CDC14C: variants seen among roughly 807,000 people sequenced by gnomAD.
CDC14C encodes cell division cycle 14C.
CDC14C carries 19 observed loss-of-function variants against 26.9 expected under a neutral mutation model. That is an observed-to-expected ratio of 0.71 (90% CI 0.49 to 1.04). CDC14C has a LOEUF of 1.04. CDC14C is among the 50% of genes least tolerant of loss of function. The probability of loss-of-function intolerance (pLI) is 0.00; values close to 1 mark genes in which losing one functional copy is unlikely to be tolerated. For missense variants in CDC14C, 423 were observed against 520.0 expected (o/e 0.81, Z 1.81); for synonymous variants, 185 against 180.1 (o/e 1.03, Z -0.22).
Position 48,924,627 on chromosome 7 carries a change from C to G in CDC14C, c.-46C>G. 1 of 1,009,650 alleles carries G rather than the reference C, an allele frequency of 9.9e-7. No homozygotes were observed. Among genetic ancestry groups the G allele is most frequent in the South Asian group, 1.3e-5 (1 of 75,870 alleles). 62.5% of individuals were successfully genotyped at this position (1,009,650 alleles called of 1,614,324 possible). A position where few individuals can be genotyped will look rare whatever the true frequency, so the allele number is the denominator to read the frequency against. On this transcript the variant is annotated 5_prime_UTR_variant, in exon 1 of 1. Coordinates refer to ENST00000650262, the MANE Select transcript of CDC14C (RefSeq NM_152627.3). Reference sequence around the variant, plus strand: ...GGCGGTCGAGCTGGGCCGCCGCGCCCCACTGCTCGCCGCGCTGCTCTTTGA... The same window carrying G: ...GGCGGTCGAGCTGGGCCGCCGCGCCGCACTGCTCGCCGCGCTGCTCTTTGA...
In CDC14C at chr7:48,925,236, G is replaced by T; in HGVS notation, c.564G>T (p.Trp188Cys). 2 of 1,607,424 alleles carry T rather than the reference G, an allele frequency of 1.2e-6. No individual in the cohort carries two copies. Among genetic ancestry groups the T allele is most frequent in the African/African-American group, 2.7e-5 (2 of 74,902 alleles). The change falls in exon 1 of 1, where the codon TGG becomes TGT. Residue 188 changes from tryptophan to cysteine, a missense_variant. By Grantham distance (215) the Trp-to-Cys change is radical (BLOSUM62 -2). This residue lies in a region of CDC14C where 310 missense variants were observed against 356.8 expected (regional missense o/e 0.87). Coordinates refer to ENST00000650262, the MANE Select transcript of CDC14C (RefSeq NM_152627.3). ...YEKAENGDLN[W>C]IIPDRFIAFC... ...AAGCAGAAAACGGAGATTTAAATTG[G>T]ATAATACCAGACCGATTTATTGCCT...
rs192870257 is a variant in CDC14C at position 48,926,102 on chromosome 7, A to C, written c.*86A>C. Reference sequence around the variant, plus strand: ...ATTTCAAGGACTAAAATGGTTTTGCATTAAGTAAAAACCTGTGACCAGAAC... The same window carrying C: ...ATTTCAAGGACTAAAATGGTTTTGCCTTAAGTAAAAACCTGTGACCAGAAC... On this transcript the variant is annotated 3_prime_UTR_variant, in exon 1 of 1. Transcript: ENST00000650262. 33 of 711,154 alleles carry C rather than the reference A, an allele frequency of 4.6e-5. No individual in the cohort carries two copies. In the East Asian group the frequency reaches 5.9e-4, roughly 13 times the overall value. 44.1% of individuals were successfully genotyped at this position (711,154 alleles called of 1,614,324 possible).
rs1315316503 is a variant in CDC14C, at chr7:48,926,047, G to T, written c.*31G>T. On this transcript the variant is annotated 3_prime_UTR_variant, in exon 1 of 1. Transcript: ENST00000650262. The stretch of plus-strand genomic sequence containing the variant: ...AGATTTCAGAACATAGTAGCCATCA[G>T]GACCCCCTGACAGATAGCTGCTTCT... 9.5e-6 allele frequency: 7 copies of T among 736,246 alleles called. 1 individual carries two copies. The highest frequency in any genetic ancestry group is 1.8e-5 in the Non-Finnish European group (7 of 394,144). The allele number at this position is 736,246 out of a possible 1,614,324, so 45.6% of individuals were successfully genotyped here.
rs1333446313 is a variant in CDC14C, at chr7:48,925,347, C to G, written c.675C>G (p.His225Gln). ...PETYIQYFKN[H>Q]NVTTIIRLNK... ...CTTATATTCAATATTTTAAGAATCA[C>G]AATGTTACTACCATTATTCGTCTGA... The change falls in exon 1 of 1, where the codon CAC becomes CAG. Residue 225 changes from histidine to glutamine, a missense_variant. His to Gln is a conservative substitution (Grantham distance 24). This residue lies in a region of CDC14C where 310 missense variants were observed against 356.8 expected (regional missense o/e 0.87). Transcript: ENST00000650262. 1 of 1,609,318 alleles carries G rather than the reference C, an allele frequency of 6.2e-7. No individual in the cohort carries two copies. Among genetic ancestry groups the G allele is most frequent in the African/African-American group, 1.3e-5 (1 of 74,834 alleles).
Position 48,924,834 on chromosome 7 carries a change from C to T in CDC14C, c.162C>T (p.Asn54=), listed in dbSNP as rs766961922. The T allele has an allele frequency of 3.0e-6, 4 of 1,350,610 alleles. No homozygotes were observed. Among genetic ancestry groups the T allele is most frequent in the Non-Finnish European group, 4.3e-6 (4 of 939,580 alleles). 83.7% of individuals were successfully genotyped at this position (1,350,610 alleles called of 1,614,324 possible). A position where few individuals can be genotyped will look rare whatever the true frequency, so the allele number is the denominator to read the frequency against. Residue 54 remains asparagine, a synonymous_variant, in exon 1 of 1, where the codon AAC becomes AAT. Coordinates refer to ENST00000650262, the MANE Select transcript of CDC14C (RefSeq NM_152627.3). ...TAGATAATGAACTCGAATATGAGAACTTCTCCGAAGACTTTGGACCACTCA... is the reference window on the plus strand; with the variant it reads ...TAGATAATGAACTCGAATATGAGAATTTCTCCGAAGACTTTGGACCACTCA... ...FSIDNELEYE[N]FSEDFGPLNL...
rs1184550190 is a variant in CDC14C, at chr7:48,926,769, G to C, written c.*753G>C. ...AGAGATTTTATTTATGGCCAGTTTT[G>C]GGGCCAGTTTATGGCTGGATTTTGG... On this transcript the variant is annotated 3_prime_UTR_variant, in exon 1 of 1. Coordinates refer to ENST00000650262, the MANE Select transcript of CDC14C (RefSeq NM_152627.3). 2.0e-5 allele frequency among the ~76,000 whole-genome samples: 3 copies of C among 149,306 alleles called. No individual in the cohort carries two copies. The highest frequency in any genetic ancestry group is 6.6e-5 in the Admixed American group (1 of 15,106).
Position 48,926,271 on chromosome 7 carries a change from T to C in CDC14C, c.*255T>C, listed in dbSNP as rs1340231048. On this transcript the variant is annotated 3_prime_UTR_variant, in exon 1 of 1. Transcript: ENST00000650262. ...TCCACGGGGTTTCAGTAATGAACTT[T>C]TGAGTTTGGGTGCAAGCAAATGTAC... Among the ~76,000 whole-genome samples the C allele has an allele frequency of 7.6e-6, 1 of 131,666 alleles. No individual in the cohort carries two copies. The highest frequency in any genetic ancestry group is 1.6e-5 in the Non-Finnish European group (1 of 60,654). The allele number at this position is 131,666 out of a possible 152,430, so 86.4% of individuals were successfully genotyped here. A position where few individuals can be genotyped will look rare whatever the true frequency, so the allele number is the denominator to read the frequency against.
chr7:48,926,336 C>T lies in CDC14C; in HGVS notation c.*320C>T, dbSNP rs1157482117. ...TCAGGGAGACCCTACCCCAGTGGTG[C>T]TAGAGGAATTAAAGACACACACACA... On this transcript the variant is annotated 3_prime_UTR_variant, in exon 1 of 1. Transcript: ENST00000650262. Among the ~76,000 whole-genome samples, 4 of 148,496 alleles carry T rather than the reference C, an allele frequency of 2.7e-5. No individual in the cohort carries two copies. The highest frequency in any genetic ancestry group is 2.0e-4 in the Admixed American group (3 of 14,768).
At position 48,925,212 on chromosome 7, in the gene CDC14C, A is replaced by T; in HGVS notation, c.540A>T (p.Lys180Asn). 1 of 1,588,042 alleles carries T rather than the reference A, an allele frequency of 6.3e-7. No homozygotes were observed. The highest frequency in any genetic ancestry group is 8.6e-7 in the Non-Finnish European group (1 of 1,156,202). The stretch of plus-strand genomic sequence containing the variant: ...TTGATGAATATGAACACTATGAAAA[A>T]GCAGAAAACGGAGATTTAAATTGGA... ...FNLDEYEHYE[K>N]AENGDLNWII... Residue 180 changes from lysine to asparagine, a missense_variant, in exon 1 of 1, where the codon AAA becomes AAT. Around this residue, in one of 3 missense-constraint regions of CDC14C, gnomAD observed 310 missense variants for 356.8 expected, o/e 0.87. Coordinates refer to ENST00000650262, the MANE Select transcript of CDC14C (RefSeq NM_152627.3).
rs1333214682 is a variant in CDC14C, at chr7:48,925,471, A to C, written c.799A>C (p.Lys267Gln). Residue 267 changes from lysine (K) to glutamine (Q), a missense_variant, in exon 1 of 1, where the codon AAA becomes CAA. Physicochemically the swap from Lys to Gln is moderately conservative, Grantham distance 53. Transcript: ENST00000650262. ...CAGCACCCCTACTGATGCCATTGTC[A>C]AAAGATTTCTGGATATCTGTGAAAA... ...DGSTPTDAIVKRFLDICENAE... is the reference protein window; with the variant it reads ...DGSTPTDAIVQRFLDICENAE... The C allele has an allele frequency of 9.3e-6, 15 of 1,608,944 alleles. No homozygotes were observed. Among genetic ancestry groups the C allele is most frequent in the Non-Finnish European group, 1.3e-5 (15 of 1,175,668 alleles).
Position 48,927,172 on chromosome 7 carries a change from G to T in CDC14C, c.*1156G>T, listed in dbSNP as rs371877937. On this transcript the variant is annotated 3_prime_UTR_variant, in exon 1 of 1. Transcript: ENST00000650262. Reference sequence around the variant, plus strand: ...AATATTAACTCTGATAAGTACCCAAGCTGCTTGTCTTCTACCAAAGAGTGC... The same window carrying T: ...AATATTAACTCTGATAAGTACCCAATCTGCTTGTCTTCTACCAAAGAGTGC... 2.3e-4 allele frequency among the ~76,000 whole-genome samples: 35 copies of T among 152,280 alleles called. No individual in the cohort carries two copies. Among genetic ancestry groups the T allele is most frequent in the African/African-American group, 8.2e-4 (34 of 41,546 alleles).
In CDC14C at chr7:48,925,361, T is replaced by C. The variant is rs1798867933; in HGVS notation, c.689T>C (p.Ile230Thr). 1.2e-6 allele frequency: 2 copies of C among 1,610,280 alleles called. No homozygotes were observed. Among genetic ancestry groups the C allele is most frequent in the Admixed American group, 3.3e-5 (2 of 59,998 alleles). The change falls in exon 1 of 1, where the codon ATT (isoleucine) becomes ACT (threonine). Residue 230 changes from isoleucine to threonine, a missense_variant. By Grantham distance (89) the Ile-to-Thr change is moderately conservative. This residue lies in a region of CDC14C where 310 missense variants were observed against 356.8 expected (regional missense o/e 0.87). Transcript: ENST00000650262. Reference sequence around the variant, plus strand: ...TTTAAGAATCACAATGTTACTACCATTATTCGTCTGAATAAAAGGATGTAT... The same window carrying C: ...TTTAAGAATCACAATGTTACTACCACTATTCGTCTGAATAAAAGGATGTAT... ...QYFKNHNVTT[I>T]IRLNKRMYDA...
Position 48,927,227 on chromosome 7 carries a change from T to G in CDC14C, c.*1211T>G, listed in dbSNP as rs1586200246. Among the ~76,000 whole-genome samples the G allele has an allele frequency of 1.0e-4, 1 of 9,538 alleles. No homozygotes were observed. The highest frequency in any genetic ancestry group is 3.7e-4 in the African/African-American group (1 of 2,668). 6.3% of individuals were successfully genotyped at this position (9,538 alleles called of 152,430 possible). Reference sequence around the variant, plus strand: ...TTAACAAGAATCTGTGAAAACCACATTTTAAACACTGTTGCATGTTGTAAT... The same window carrying G: ...TTAACAAGAATCTGTGAAAACCACAGTTTAAACACTGTTGCATGTTGTAAT... On this transcript the variant is annotated 3_prime_UTR_variant, in exon 1 of 1. Transcript: ENST00000650262.
At position 48,924,639 on chromosome 7, in the gene CDC14C, G is replaced by A. The variant is rs757030539; in HGVS notation, c.-34G>A. 2.8e-6 allele frequency: 3 copies of A among 1,055,118 alleles called. No individual in the cohort carries two copies. Among genetic ancestry groups the A allele is most frequent in the Non-Finnish European group, 4.4e-6 (3 of 677,824 alleles). 65.4% of individuals were successfully genotyped at this position (1,055,118 alleles called of 1,614,324 possible). The stretch of plus-strand genomic sequence containing the variant: ...GGGCCGCCGCGCCCCACTGCTCGCC[G>A]CGCTGCTCTTTGACCTCGCAGGGTG... On this transcript the variant is annotated 5_prime_UTR_variant, in exon 1 of 1. Coordinates refer to ENST00000650262, the MANE Select transcript of CDC14C (RefSeq NM_152627.3).
At position 48,924,615 on chromosome 7, in the gene CDC14C, G is replaced by GCC; in HGVS notation, c.-58_-57insCC. 1 of 846,496 alleles carries GCC rather than the reference G, an allele frequency of 1.2e-6. No individual in the cohort carries two copies. The highest frequency in any genetic ancestry group is 1.8e-6 in the Non-Finnish European group (1 of 565,122). The allele number at this position is 846,496 out of a possible 1,614,324, so 52.4% of individuals were successfully genotyped here. ...GGAAAAGCAAGGGGCGGTCGAGCTG[G>GCC]GCCGCCGCGCCCCACTGCTCGCCGC... On this transcript the variant is annotated 5_prime_UTR_variant, in exon 1 of 1. Coordinates refer to ENST00000650262, the MANE Select transcript of CDC14C (RefSeq NM_152627.3).
In CDC14C at chr7:48,925,903, A is replaced by G; in HGVS notation, c.1231A>G (p.Lys411Glu). 1.2e-6 allele frequency: 1 copy of G among 801,090 alleles called. No individual in the cohort carries two copies. The highest frequency in any genetic ancestry group is 2.3e-6 in the Non-Finnish European group (1 of 438,426). The allele number at this position is 801,090 out of a possible 1,614,324, so 49.6% of individuals were successfully genotyped here. A position where few individuals can be genotyped will look rare whatever the true frequency, so the allele number is the denominator to read the frequency against. ...GGCCCTGAAAAGGCGAAGACAATCA[A>G]AAACAAACGATATTCTTCTCCCATC... Reference protein sequence around the residue: ...SRALKRRRQSKTNDILLPSPL... With the variant: ...SRALKRRRQSETNDILLPSPL... Residue 411 changes from lysine (K) to glutamate (E), a missense_variant, in exon 1 of 1, where the codon AAA (lysine) becomes GAA (glutamate). By Grantham distance (56) the Lys-to-Glu change is moderately conservative. Transcript: ENST00000650262.
Position 48,926,253 on chromosome 7 carries a change from G to A in CDC14C, c.*237G>A, listed in dbSNP as rs1798886850. On this transcript the variant is annotated 3_prime_UTR_variant, in exon 1 of 1. Coordinates refer to ENST00000650262, the MANE Select transcript of CDC14C (RefSeq NM_152627.3). ...TAATCAATGGGGAAAATGTCCACGG[G>A]GTTTCAGTAATGAACTTTTGAGTTT... Among the ~76,000 whole-genome samples, 1 of 120,838 alleles carries A rather than the reference G, an allele frequency of 8.3e-6. No homozygotes were observed. The highest frequency in any genetic ancestry group is 8.6e-5 in the Admixed American group (1 of 11,656). 79.3% of individuals were successfully genotyped at this position (120,838 alleles called of 152,430 possible). A position where few individuals can be genotyped will look rare whatever the true frequency, so the allele number is the denominator to read the frequency against.
chr7:48,925,189 G>A lies in CDC14C; in HGVS notation c.517G>A (p.Asp173Asn). Reference protein sequence around the residue: ...GFLNFNSFNLDEYEHYEKAEN... With the variant: ...GFLNFNSFNLNEYEHYEKAEN... ...CCTTAATTTCAACTCATTTAACCTT[G>A]ATGAATATGAACACTATGAAAAAGC... The change falls in exon 1 of 1, where the codon GAT becomes AAT. Residue 173 changes from aspartate (D) to asparagine (N), a missense_variant. By Grantham distance (23) the Asp-to-Asn change is conservative. Transcript: ENST00000650262. The A allele has an allele frequency of 3.9e-6, 6 of 1,544,740 alleles. No homozygotes were observed. Among genetic ancestry groups the A allele is most frequent in the Non-Finnish European group, 5.4e-6 (6 of 1,116,888 alleles).
Position 48,925,696 on chromosome 7 carries a change from G to T in CDC14C, c.1024G>T (p.Asp342Tyr). 4 of 1,293,184 alleles carry T rather than the reference G, an allele frequency of 3.1e-6. No individual in the cohort carries two copies. The highest frequency in any genetic ancestry group is 4.5e-6 in the Non-Finnish European group (4 of 887,028). 80.1% of individuals were successfully genotyped at this position (1,293,184 alleles called of 1,614,324 possible). A position where few individuals can be genotyped will look rare whatever the true frequency, so the allele number is the denominator to read the frequency against. ...MKQTSLWLEG[D>Y]YFRQRLKGQE... ...GCAAACAAGCCTCTGGCTGGAAGGG[G>T]ACTATTTTCGTCAGAGGTTAAAGGG... The change falls in exon 1 of 1, where the codon GAC becomes TAC. Residue 342 changes from aspartate to tyrosine, a missense_variant. By Grantham distance (160) the Asp-to-Tyr change is radical (BLOSUM62 -3). Transcript: ENST00000650262.
Sources: allele counts gnomAD v4.1 joint callset (sites outside exome capture counted in the v4.1 genomes callset), GRCh38; gene constraint gnomAD v4.1.1; regional missense constraint gnomAD v4.1.1; transcripts MANE v1.5; gene names NCBI Gene and HGNC (gene_info 2026-07-23, HGNC 2026-07-21).